Variants in PLEKHA6 observed in about 807,000 individuals in gnomAD.
PLEKHA6 encodes pleckstrin homology domain containing A6.
In PLEKHA6, 60 loss-of-function variants were observed where a neutral mutation model predicts 116.7. The observed-to-expected ratio is 0.51, with a 90% CI of 0.42 to 0.64. PLEKHA6 has a LOEUF of 0.64. Among genes scored for constraint, PLEKHA6 ranks in the 30% least tolerant of loss-of-function variants. PLEKHA6 has a pLI of 0.00. For missense variants in PLEKHA6, 1,338 were observed against 1,422.7 expected (o/e 0.94, Z 0.96); for synonymous variants, 489 against 556.1 (o/e 0.88, Z 1.70).
At chr1:204,348,718 C>A (rs1484472633) in intron 1 of PLEKHA6, among the ~76,000 whole-genome samples, 1 of 17,126 alleles carries the variant, frequency 5.8e-5, no homozygotes, top group African/African-American at 1.6e-4. Context: ...TGCCAAACCC[C>A]CCCCCCGCCA....
intron 1 of PLEKHA6, among the ~76,000 whole-genome samples, chr1:204,296,582 TC>T (rs912666300): frequency 7.2e-5 from 11 of 151,868 alleles, no homozygotes; most frequent in African/African-American, 2.7e-4. Context: ...AAACCACAGC[TC>T]CCCCCAGCTG....
At position 204,230,510 on chromosome 1, in the gene PLEKHA6, C is replaced by T. The variant is rs752419730; in HGVS notation, c.2486G>A (p.Arg829Gln). 6.2e-5 allele frequency: 98 copies of T among 1,591,162 alleles called. 2 individuals carry two copies. In the South Asian group the frequency reaches 6.4e-4, roughly 10 times the overall value. The change falls in exon 18 of 23, where the codon CGG becomes CAG. Residue 829 changes from arginine to glutamine, a missense_variant. Physicochemically the swap from Arg to Gln is conservative, Grantham distance 43 (BLOSUM62 1). Coordinates refer to ENST00000272203, the MANE Select transcript of PLEKHA6 (RefSeq NM_014935.5). Reference sequence around the variant, plus strand: ...CCTCATGGAGCCACTCTGGTGCCGCCGCATTCGGTCAATCTGCTCCTCCAC... The same window carrying T: ...CCTCATGGAGCCACTCTGGTGCCGCTGCATTCGGTCAATCTGCTCCTCCAC... Reference protein sequence around the residue: ...MSVEEQIDRMRRHQSGSMREK... With the variant: ...MSVEEQIDRMQRHQSGSMREK...
At chr1:204,348,922 C>T (rs1673175173) in intron 1 of PLEKHA6, among the ~76,000 whole-genome samples, 1 of 152,196 alleles carries the variant, frequency 6.6e-6, no homozygotes, top group African/African-American at 2.4e-5. Flanking sequence ...CCCCTGACAC[C>T]AAGTCTGCCC....
chr1:204,269,505 T>C (rs1667226229), intron 3 of PLEKHA6, among the ~76,000 whole-genome samples: 1 of 146,936 alleles, frequency 6.8e-6, no homozygotes, highest in Admixed American at 6.8e-5. Context: ...ACAGTCCCAA[T>C]CCCAGGAGGC....
chr1:204,253,937 T>C (rs1664925885), intron 9 of PLEKHA6, among the ~76,000 whole-genome samples: 1 of 152,006 alleles, frequency 6.6e-6, no homozygotes, highest in Admixed American at 6.5e-5. Flanking sequence ...CTGAAGCCCC[T>C]AGCCTAATGG....
chr1:204,302,520 TCCTCCTTGGGGAAAG>T (rs148931534), intron 1 of PLEKHA6, among the ~76,000 whole-genome samples: 26,691 of 152,028 alleles, frequency 0.18, 3,138 homozygotes, highest in East Asian at 0.58. Flanking sequence ...TAAGAAAAGA[TCCTCCTTGGGGAAAG>T]CCTCCTTGGG....
chr1:204,288,998 T>C (rs948136084), intron 1 of PLEKHA6, among the ~76,000 whole-genome samples: 6 of 152,148 alleles, frequency 3.9e-5, no homozygotes, highest in African/African-American at 1.4e-4. Flanking sequence ...CCTTTAAAAA[T>C]AGGCAACTGA....
At chr1:204,296,194 G>C (rs904036296) in intron 1 of PLEKHA6, among the ~76,000 whole-genome samples, 7 of 152,042 alleles carry the variant, frequency 4.6e-5, no homozygotes, top group African/African-American at 1.7e-4. Flanking sequence ...CCTTGGAAGG[G>C]GCCAGTGCAA....
chr1:204,279,128 G>A (rs1292620709), intron 1 of PLEKHA6, among the ~76,000 whole-genome samples: 4 of 152,136 alleles, frequency 2.6e-5, no homozygotes, highest in South Asian at 4.1e-4. Flanking sequence ...GAGGGGGTAG[G>A]GGCGCTTTGG....
chr1:204,245,033 A>G, intron 14 of PLEKHA6, 30 bp from the exon 15 acceptor site: 1 of 1,393,486 alleles, frequency 7.2e-7, no homozygotes. Flanking sequence ...TGGGTGAGCA[A>G]TGGAGGAGGG....
chr1:204,350,590 C>T (rs927157598), intron 1 of PLEKHA6, among the ~76,000 whole-genome samples: 3 of 152,176 alleles, frequency 2.0e-5, no homozygotes, highest in South Asian at 2.1e-4. Flanking sequence ...AGGAACCCAC[C>T]GCTGACGGTG....
Position 204,259,627 on chromosome 1 carries a change from C to T in PLEKHA6, c.638G>A (p.Gly213Asp). ...PEAKTRGEGD[G>D]RGCEKAERRP... ...TCTCTCTGCCTTCTCACAGCCTCGG[C>T]CATCACCCTCCCCTCGAGTCTTGGC... The change falls in exon 8 of 23, where the codon GGC becomes GAC. Residue 213 changes from glycine (G) to aspartate (D), a missense_variant. Gly to Asp is a moderately conservative substitution (Grantham distance 94). Coordinates refer to ENST00000272203, the MANE Select transcript of PLEKHA6 (RefSeq NM_014935.5). The surrounding 1 kb of genome is among the most constrained non-coding windows in gnomAD (Gnocchi z 4.6). 1 of 1,614,148 alleles carries T rather than the reference C, an allele frequency of 6.2e-7. No individual in the cohort carries two copies. The highest frequency in any genetic ancestry group is 8.5e-7 in the Non-Finnish European group (1 of 1,180,024).
intron 17 of PLEKHA6, among the ~76,000 whole-genome samples, chr1:204,234,218 G>A: frequency 6.6e-6 from 1 of 152,174 alleles, no homozygotes; most frequent in East Asian, 1.9e-4. Flanking sequence ...TGGAGGCAGA[G>A]ATTTGGTTGA....
chr1:204,256,159 G>A lies in PLEKHA6; in HGVS notation c.1524+1194C>T, dbSNP rs1389912409. Among the ~76,000 whole-genome samples, 4 of 152,072 alleles carry A rather than the reference G, an allele frequency of 2.6e-5. No individual in the cohort carries two copies. The East Asian group carries it at 5.8e-4, about 22-fold the overall frequency. ...AGCCCTCCTCCACTCTGGCCTCCTG[G>A]TACTGTTATGGAAATGAGTCAGCAA... On this transcript the variant is annotated intron_variant, in intron 9 of 22. Transcript: ENST00000272203.
rs1490763044 is a variant in PLEKHA6 at position 204,228,408 on chromosome 1, C to T, written c.2886-180G>A. 2.6e-5 allele frequency among the ~76,000 whole-genome samples: 4 copies of T among 152,136 alleles called. No individual in the cohort carries two copies. The highest frequency in any genetic ancestry group is 4.8e-5 in the African/African-American group (2 of 41,426). On this transcript the variant is annotated intron_variant, in intron 20 of 22. Transcript: ENST00000272203. The surrounding 1 kb of genome is among the most constrained non-coding windows in gnomAD (Gnocchi z 4.0). Reference sequence around the variant, plus strand: ...CCCTGGCAAAACACAGGTTGGGACCCCTACCTTCAATGTTCTCAAATGAAT... The same window carrying T: ...CCCTGGCAAAACACAGGTTGGGACCTCTACCTTCAATGTTCTCAAATGAAT...
At chr1:204,297,846 G>A in intron 1 of PLEKHA6, 1 of 973,948 alleles carries the variant, frequency 1.0e-6, no homozygotes, top group Non-Finnish European at 1.2e-6. Context: ...GTTCTTTGCA[G>A]GTTTTGGTTG....
At chr1:204,281,060 T>C in intron 1 of PLEKHA6, 1 of 919,202 alleles carries the variant, frequency 1.1e-6, no homozygotes. Context: ...TGGTAGCACA[T>C]GTCTGTAGTC....
chr1:204,361,549 GCAGCACTCT>G (rs1673560514), upstream of PLEKHA6, among the ~76,000 whole-genome samples: 2 of 152,366 alleles, frequency 1.3e-5, no homozygotes, highest in African/African-American at 4.8e-5. Flanking sequence ...GCGCAGCTCA[GCAGCACTCT>G]TGGGGAGGGG....
chr1:204,340,041 A>G (rs145187547), intron 1 of PLEKHA6, among the ~76,000 whole-genome samples: 73 of 152,356 alleles, frequency 4.8e-4, no homozygotes, highest in African/African-American at 1.8e-3. Flanking sequence ...TTAATTAAGC[A>G]TTACTTTTTT....
Sources: allele counts gnomAD v4.1 joint callset (sites outside exome capture counted in the v4.1 genomes callset), GRCh38; gene constraint gnomAD v4.1.1; non-coding constraint Gnocchi (gnomAD v3.1); transcripts MANE v1.5; gene names NCBI Gene and HGNC (gene_info 2026-07-23, HGNC 2026-07-21).